PRDM2: variants seen among roughly 807,000 people sequenced by gnomAD.
The protein encoded by PRDM2 is PR/SET domain 2, also known as PR domain zinc finger protein 2.
PRDM2 carries 30 observed loss-of-function variants against 130.0 expected under a neutral mutation model. That is an observed-to-expected ratio of 0.23 (90% CI 0.17 to 0.31). The LOEUF is 0.31. Ranked by LOEUF, PRDM2 falls within the 10% of genes least tolerant of loss-of-function variation. PRDM2 has a pLI of 1.00. For synonymous variants in PRDM2, 871 were observed against 782.4 expected, an observed-to-expected ratio of 1.11 and a Z score of -1.89; for missense variants, 2,011 against 2,108.4, an observed-to-expected ratio of 0.95 and a Z score of 0.90.
At chr1:13,804,592 G>C (rs554248514) in intron 8 of PRDM2, among the ~76,000 whole-genome samples, 2 of 142,476 alleles carry the variant, frequency 1.4e-5, no homozygotes, top group East Asian at 1.9e-4. Context: ...AACAAGCTCC[G>C]GGGGGGGAAA....
chr1:13,742,287 GC>G (rs1332549526), intron 5 of PRDM2, 130 bp downstream of exon 5: 1 of 1,038,678 alleles, frequency 9.6e-7, no homozygotes, highest in Non-Finnish European at 1.4e-6. Context: ...TGCAGCCTAA[GC>G]CTCCCCAGCC....
chr1:13,735,745 T>G (rs184297787), intron 4 of PRDM2, among the ~76,000 whole-genome samples: 54 of 152,358 alleles, frequency 3.5e-4, no homozygotes, highest in Admixed American at 7.8e-4. Context: ...GTCCATAGTT[T>G]ACATTAGCGG....
intron 1 of PRDM2, among the ~76,000 whole-genome samples, chr1:13,714,868 G>T (rs1349770095): frequency 1.3e-5 from 2 of 152,198 alleles, no homozygotes; most frequent in African/African-American, 2.4e-5. Context: ...GGCATACGTT[G>T]CAGAAAGGAC....
chr1:13,712,755 G>A (rs572050878), intron 1 of PRDM2, among the ~76,000 whole-genome samples: 11 of 152,234 alleles, frequency 7.2e-5, no homozygotes, highest in African/African-American at 1.2e-4. Context: ...GCGAGACTCC[G>A]TCTCAAAAAA....
In PRDM2 at chr1:13,778,618, G is replaced by C. The variant is rs745439726; in HGVS notation, c.823G>C (p.Glu275Gln). 2.5e-6 allele frequency: 4 copies of C among 1,613,698 alleles called. No homozygotes were observed. The highest frequency in any genetic ancestry group is 1.7e-5 in the Admixed American group (1 of 60,016). The change falls in exon 8 of 10, where the codon GAG becomes CAG. Residue 275 changes from glutamate (E) to glutamine (Q), a missense_variant. Glu to Gln is a conservative substitution (Grantham distance 29, BLOSUM62 2). Around this residue, in one of 5 missense-constraint regions of PRDM2, gnomAD observed 1,288 missense variants for 1,237.7 expected, o/e 1.04. Transcript: ENST00000311066. ...DLGEEEEEEE[E>Q]EDEEEEEDDD... is the part of the protein sequence containing the mutation. ...GGGGGAAGAGGAGGAGGAGGAAGAG[G>C]AGGAGGATGAAGAAGAAGAAGAAGA...
rs1644394053 is a variant in PRDM2 at position 13,773,119 on chromosome 1, A to G, written c.553A>G (p.Ile185Val). ...GGAAAATAAAAACAAAGGAAACAAA[A>G]TCCAAGACATACAACTGAAGACAAG... ...SQENKNKGNK[I>V]QDIQLKTSEP... Residue 185 changes from isoleucine to valine, a missense_variant, in exon 7 of 10, where the codon ATC (isoleucine) becomes GTC (valine). Around this residue, in one of 5 missense-constraint regions of PRDM2, gnomAD observed 1,288 missense variants for 1,237.7 expected, o/e 1.04. Transcript: ENST00000311066. The G allele has an allele frequency of 6.4e-7, 1 of 1,573,308 alleles. No homozygotes were observed. Among genetic ancestry groups the G allele is most frequent in the South Asian group, 1.2e-5 (1 of 80,800 alleles).
At chr1:13,790,577 C>G (rs1388736613) in intron 8 of PRDM2, among the ~76,000 whole-genome samples, 1 of 152,092 alleles carries the variant, frequency 6.6e-6, no homozygotes, top group Non-Finnish European at 1.5e-5. Flanking sequence ...CAAGCAGAAC[C>G]TTGAATACAC....
chr1:13,789,274 C>T (rs1243267739), intron 8 of PRDM2, among the ~76,000 whole-genome samples: 1 of 152,236 alleles, frequency 6.6e-6, no homozygotes, highest in Non-Finnish European at 1.5e-5. Flanking sequence ...CACAGTGTTT[C>T]TGGTAAATGC....
chr1:13,791,679 T>A (rs1644842016), intron 8 of PRDM2, among the ~76,000 whole-genome samples: 1 of 152,236 alleles, frequency 6.6e-6, no homozygotes, highest in Non-Finnish European at 1.5e-5. Flanking sequence ...TTTCATTTAG[T>A]TTTCTAGATT....
intron 1 of PRDM2, among the ~76,000 whole-genome samples, chr1:13,710,283 A>G (rs1479612169): frequency 1.3e-5 from 2 of 152,110 alleles, no homozygotes; most frequent in Non-Finnish European, 2.9e-5. Flanking sequence ...ATGTGTCTAG[A>G]TTTTCTGGTC....
At chr1:13,720,512 G>T (rs1447220388) in intron 2 of PRDM2, among the ~76,000 whole-genome samples, 1 of 152,136 alleles carries the variant, frequency 6.6e-6, no homozygotes, top group Non-Finnish European at 1.5e-5. Context: ...AACCTTTGGA[G>T]GGTTTTGAGG....
chr1:13,700,405 G>A lies in PRDM2; in HGVS notation c.-66+105G>A, dbSNP rs527942519. On this transcript the variant is annotated intron_variant, in intron 1 of 9. Transcript: ENST00000311066. ...GGCGGCGGCGACACGCTGGGGACCC[G>A]GCGCCGCAGGGATGGCCGGGTCGGC... The A allele has an allele frequency of 3.3e-3, 493 of 150,140 alleles. 5 individuals are homozygous for A. Among genetic ancestry groups the A allele is most frequent in the South Asian group, 0.015 (84 of 5,582 alleles). 9.3% of individuals were successfully genotyped at this position (150,140 alleles called of 1,614,324 possible).
In PRDM2 at chr1:13,731,046, C is replaced by A; in HGVS notation, c.56C>A (p.Pro19His). The A allele has an allele frequency of 6.2e-7, 1 of 1,612,744 alleles. No homozygotes were observed. ...VAATETLAEV[P>H]EHVLRGLPEE... is the part of the protein sequence containing the mutation. The stretch of plus-strand genomic sequence containing the variant: ...GCCACCGAGACCCTGGCTGAGGTAC[C>A]CGAACATGTGCTGCGAGGACTTCCG... The change falls in exon 3 of 10, where the codon CCC becomes CAC. Residue 19 changes from proline to histidine, a missense_variant. Pro to His is a moderately conservative substitution (Grantham distance 77). Transcript: ENST00000311066.
Position 13,744,639 on chromosome 1 carries a change from C to CT in PRDM2, c.384+2482_384+2483insT, listed in dbSNP as rs1557613955. Among the ~76,000 whole-genome samples the CT allele has an allele frequency of 4.7e-4, 71 of 151,970 alleles. 1 individual carries two copies. The highest frequency in any genetic ancestry group is 1.5e-3 in the African/African-American group (62 of 41,432). On this transcript the variant is annotated intron_variant, in intron 5 of 9. Transcript: ENST00000311066. Reference sequence around the variant, plus strand: ...AGTTTGTTGTGAAGGTTAAACAAGCCAATATATATATATATATAAGGTTCT... The same window carrying CT: ...AGTTTGTTGTGAAGGTTAAACAAGCCTAATATATATATATATATAAGGTTCT...
intron 6 of PRDM2, 92 bp downstream of exon 6, chr1:13,749,579 A>C: frequency 2.3e-6 from 2 of 887,132 alleles, no homozygotes; most frequent in Non-Finnish European, 2.7e-6. Context: ...CCCGACCGCG[A>C]GGCGGGTCGC....
intron 4 of PRDM2, among the ~76,000 whole-genome samples, chr1:13,737,923 A>T (rs1643320709): frequency 6.6e-6 from 1 of 152,162 alleles, no homozygotes; most frequent in South Asian, 2.1e-4. Flanking sequence ...GTAATACCTC[A>T]TGGAAATTTT....
At chr1:13,775,084 G>A (rs1644446405) in intron 7 of PRDM2, among the ~76,000 whole-genome samples, 1 of 152,226 alleles carries the variant, frequency 6.6e-6, no homozygotes, top group African/African-American at 2.4e-5. Flanking sequence ...TCAGCAAATG[G>A]TCTATACCAT....
chr1:13,740,114 A>G (rs1643392998), intron 4 of PRDM2, among the ~76,000 whole-genome samples: 1 of 152,194 alleles, frequency 6.6e-6, no homozygotes, highest in Non-Finnish European at 1.5e-5. Context: ...AAACAAAATG[A>G]GTTATGTATG....
chr1:13,765,515 G>A (rs1644205178), intron 6 of PRDM2, among the ~76,000 whole-genome samples: 2 of 152,024 alleles, frequency 1.3e-5, no homozygotes, highest in African/African-American at 4.8e-5. Flanking sequence ...ACCCAGGCTG[G>A]AGTGCAGTGG....
Sources: allele counts gnomAD v4.1 joint callset (sites outside exome capture counted in the v4.1 genomes callset), GRCh38; gene constraint gnomAD v4.1.1; regional missense constraint gnomAD v4.1.1; transcripts MANE v1.5; gene names NCBI Gene and HGNC (gene_info 2026-07-23, HGNC 2026-07-21).